Variants in F8 observed in about 807,000 individuals in gnomAD.
The protein encoded by F8 is coagulation factor VIII.
In F8, 12 loss-of-function variants were observed where a neutral mutation model predicts 140.6. The ratio of observed to expected loss-of-function variants is 0.09; its 90% CI spans 0.05 to 0.14. F8 has a LOEUF of 0.14. F8 is among the 10% of genes least tolerant of loss of function. The pLI is 1.00. For missense variants in F8, 1,354 were observed against 1,720.7 expected (o/e 0.79, Z 3.77); for synonymous variants, 585 against 614.6 (o/e 0.95, Z 0.71).
chrX:155,008,817 C>T (rs1177922461), intron 1 of F8, among the ~76,000 whole-genome samples: 3 of 108,978 alleles, frequency 2.8e-5, no homozygotes, highest in Non-Finnish European at 3.8e-5. Flanking sequence ...TCTGCCCTGT[C>T]CCAGGATGGA....
intron 14 of F8, among the ~76,000 whole-genome samples, chrX:154,916,973 G>C (rs1394605224): frequency 1.8e-5 from 2 of 109,882 alleles, no homozygotes; most frequent in Non-Finnish European, 3.8e-5. Flanking sequence ...CATTCATTTT[G>C]GTATGTTGTT....
At chrX:154,981,907 C>T (rs781844974) in intron 6 of F8, among the ~76,000 whole-genome samples, 2 of 111,555 alleles carry the variant, frequency 1.8e-5, no homozygotes, top group Non-Finnish European at 3.8e-5. Flanking sequence ...TGGAGATGGC[C>T]GGATGCAGTG....
At chrX:154,852,954 T>C (rs2072626947) in intron 25 of F8, among the ~76,000 whole-genome samples, 1 of 109,810 alleles carries the variant, frequency 9.1e-6, no homozygotes, top group Non-Finnish European at 1.9e-5. Flanking sequence ...AATATTCTTA[T>C]CTTAAGAATA....
chrX:154,919,508 G>T, intron 14 of F8: 2 of 453,099 alleles, frequency 4.4e-6, no homozygotes, highest in Non-Finnish European at 3.3e-6. Flanking sequence ...GCTTTCCCTG[G>T]TCCTCAGGGC....
At chrX:154,983,684 AT>A (rs1557283955) in intron 6 of F8, among the ~76,000 whole-genome samples, 2 of 112,352 alleles carry the variant, frequency 1.8e-5, no homozygotes, top group Non-Finnish European at 3.8e-5. Flanking sequence ...TCCCAAAGGG[AT>A]TATCATAGCA....
chrX:155,018,031 A>ATTT (rs782805561), intron 1 of F8, among the ~76,000 whole-genome samples: 1 of 98,289 alleles, frequency 1.0e-5, no homozygotes, highest in Non-Finnish European at 2.1e-5. Context: ...TGCCCAGCTA[A>ATTT]TTTTTTTTTT....
Position 154,930,974 on chromosome X carries a change from G to C in F8, c.2816C>G (p.Thr939Ser), listed in dbSNP as rs782776523. The change falls in exon 14 of 26, where the codon ACT (threonine) becomes AGT (serine). Residue 939 changes from threonine (T) to serine (S), a missense_variant. By Grantham distance (58) the Thr-to-Ser change is moderately conservative. This residue lies in a region of F8 where 658 missense variants were observed against 666.5 expected (regional missense o/e 0.99). Transcript: ENST00000360256. ...PVHYDSQLDT[T>S]LFGKKSSPLT... ...GGGAGATGACTTTTTGCCAAATAGA[G>C]TGGTATCTAATTGACTATCATAATG... 3 of 1,194,321 alleles carry C rather than the reference G, an allele frequency of 2.5e-6. No individual in the cohort carries two copies. The Admixed American group carries it at 6.8e-5, about 27-fold the overall frequency.
Position 154,987,219 on chromosome X carries a change from A to C in F8, c.670+18T>G. The C allele has an allele frequency of 1.7e-6, 2 of 1,177,188 alleles. No homozygotes were observed. The highest frequency in any genetic ancestry group is 2.3e-6 in the Non-Finnish European group (2 of 865,557). ...GATTTCTTTCAGGAATCCAAAATTC[A>C]GATTAAGACTCACTAACCTTCATCA... is the stretch of plus-strand genomic sequence containing the variant. On this transcript the variant is annotated intron_variant, in intron 5 of 25. Transcript: ENST00000360256.
chrX:154,944,721 G>A (rs1159452260), intron 13 of F8, among the ~76,000 whole-genome samples: 5 of 111,479 alleles, frequency 4.5e-5, no homozygotes, highest in Non-Finnish European at 7.5e-5. Context: ...ACATGCACAC[G>A]TATGTTTATA....
chrX:154,936,025 A>AC (rs1569559710), intron 13 of F8, among the ~76,000 whole-genome samples: 8 of 95,399 alleles, frequency 8.4e-5, no homozygotes, highest in African/African-American at 3.1e-4. Flanking sequence ...CACACACACA[A>AC]AAATCAAAGT....
chrX:154,974,472 T>C (rs1193314336), intron 6 of F8, among the ~76,000 whole-genome samples: 1 of 112,164 alleles, frequency 8.9e-6, no homozygotes, highest in Non-Finnish European at 1.9e-5. Context: ...TCCCACCTGA[T>C]CATGGTAAAT....
At chrX:155,012,115 T>C (rs782751856) in intron 1 of F8, among the ~76,000 whole-genome samples, 5 of 112,141 alleles carry the variant, frequency 4.5e-5, no homozygotes, top group Non-Finnish European at 9.4e-5. Context: ...ACCACTGAAT[T>C]GTACACTTTC....
intron 1 of F8, among the ~76,000 whole-genome samples, chrX:155,011,391 AAGAC>A (rs781870614): frequency 5.3e-5 from 6 of 112,664 alleles, no homozygotes; most frequent in East Asian, 2.8e-4. Context: ...TATAATTAAA[AAGAC>A]AGACAGTAAC....
At chrX:154,934,707 C>A (rs2073214640) in intron 13 of F8, among the ~76,000 whole-genome samples, 1 of 111,627 alleles carries the variant, frequency 9.0e-6, no homozygotes, top group South Asian at 3.7e-4. Flanking sequence ...ACAATCAATA[C>A]CTTTCATAAG....
chrX:154,970,154 T>C (rs1477368472), intron 6 of F8, among the ~76,000 whole-genome samples: 2 of 112,700 alleles, frequency 1.8e-5, no homozygotes, highest in Non-Finnish European at 3.8e-5. Flanking sequence ...AGCTAATATG[T>C]ATTGAGCACT....
chrX:154,984,989 G>GAC (rs201979788), intron 5 of F8, among the ~76,000 whole-genome samples, 186 bp from the exon 6 acceptor site: 1,423 of 111,984 alleles, frequency 0.013, 24 homozygotes, highest in African/African-American at 0.043. Flanking sequence ...TGTAAAGGCA[G>GAC]ACATCTCTTG....
chrX:154,890,967 AAT>A (rs2072939435), intron 22 of F8, among the ~76,000 whole-genome samples: 1 of 113,034 alleles, frequency 8.8e-6, no homozygotes. Flanking sequence ...TTCATTCATG[AAT>A]ATAGATATAG....
intron 21 of F8, among the ~76,000 whole-genome samples, chrX:154,898,715 T>C (rs28370221): frequency 0.13 from 14,403 of 111,992 alleles, 790 homozygotes; most frequent in South Asian, 0.35. Context: ...ACTTCAATAT[T>C]TTGATCATGA....
Position 154,930,510 on chromosome X carries a change from C to T in F8, c.3280G>A (p.Glu1094Lys), listed in dbSNP as rs377119670. 26 of 1,208,956 alleles carry T rather than the reference C, an allele frequency of 2.2e-5. No homozygotes were observed. In the East Asian group the frequency reaches 6.8e-4, roughly 32 times the overall value. Residue 1094 changes from glutamate to lysine, a missense_variant, in exon 14 of 26, where the codon GAA (glutamate) becomes AAA (lysine). By Grantham distance (56) the Glu-to-Lys change is moderately conservative. Transcript: ENST00000360256. ...CCCTCTTTTTTCTGTTGGACCATTT[C>T]CATGTTTTTTGATGAAGTAGTTTTA... ...SNKTTSSKNM[E>K]MVQQKKEGPI...
Sources: allele counts gnomAD v4.1 joint callset (sites outside exome capture counted in the v4.1 genomes callset), GRCh38; gene constraint gnomAD v4.1.1; regional missense constraint gnomAD v4.1.1; transcripts MANE v1.5; gene names NCBI Gene and HGNC (gene_info 2026-07-23, HGNC 2026-07-21).